The following FGF14 variants were observed in gnomAD, a reference collection of about 807,000 sequenced individuals.
FGF14 encodes fibroblast growth factor homologous factor 4.
Under a neutral mutation model 25.5 loss-of-function variants are expected in FGF14, and 5 were observed. The ratio of observed to expected loss-of-function variants is 0.20; its 90% CI spans 0.10 to 0.41. FGF14 has a LOEUF of 0.41. FGF14 is among the 10% of genes least tolerant of loss of function. The pLI, the probability that FGF14 is intolerant of heterozygous loss-of-function variation, is 1.00. For missense variants in FGF14, 222 were observed against 320.1 expected (o/e 0.69, Z 2.34); for synonymous variants, 138 against 118.3 (o/e 1.17, Z -1.08).
chr13:101,873,644 G>T (rs544703327), intron 2 of FGF14, among the ~76,000 whole-genome samples: 113 of 152,208 alleles, frequency 7.4e-4, no homozygotes, highest in Non-Finnish European at 1.3e-3. Context: ...AATGGGTAAA[G>T]AGTTTAAGGG....
In FGF14 at chr13:101,719,359, T is replaced by C. The variant is rs2034841373; in HGVS notation, c.*3472A>G. 1 of 151,772 alleles carries C rather than the reference T, an allele frequency of 6.6e-6. No individual in the cohort carries two copies. Among genetic ancestry groups the C allele is most frequent in the Non-Finnish European group, 1.5e-5 (1 of 67,942 alleles). 9.4% of individuals were successfully genotyped at this position (151,772 alleles called of 1,614,324 possible). On this transcript the variant is annotated 3_prime_UTR_variant, in exon 5 of 5. Coordinates refer to ENST00000376143, the MANE Select transcript of FGF14 (RefSeq NM_004115.4). ...ACTATTAGAAGAACTGGAGCGGGAG[T>C]CCTTTGGACCCATCGTGGATCTCTT...
intron 1 of FGF14, among the ~76,000 whole-genome samples, chr13:102,053,390 A>T (rs2042298499): frequency 6.6e-6 from 1 of 152,130 alleles, no homozygotes; most frequent in South Asian, 2.1e-4. Flanking sequence ...ATGGAAACCA[A>T]AATAGAGAAA....
At chr13:101,724,689 A>C (rs59408893) in intron 4 of FGF14, among the ~76,000 whole-genome samples, 1 of 145,646 alleles carries the variant, frequency 6.9e-6, no homozygotes. Flanking sequence ...TTAATTTGTC[A>C]AACATTTCCA....
chr13:102,269,327 A>G (rs1386126895), intron 1 of FGF14, among the ~76,000 whole-genome samples: 1 of 152,242 alleles, frequency 6.6e-6, no homozygotes, highest in Admixed American at 6.5e-5. Flanking sequence ...CAGCATGGAT[A>G]GCACAGGCAG....
intron 1 of FGF14, chr13:102,373,415 T>C (rs2057945232): frequency 2.6e-5 from 4 of 152,200 alleles, no homozygotes; most frequent in Non-Finnish European, 5.9e-5. Context: ...CCCTTCTCTG[T>C]TTCCCCAGGT....
chr13:102,364,054 C>T (rs2057640610), intron 1 of FGF14, among the ~76,000 whole-genome samples: 1 of 152,176 alleles, frequency 6.6e-6, no homozygotes, highest in South Asian at 2.1e-4. Context: ...TTTGGGTACC[C>T]AGGTACGTGG....
chr13:101,875,034 T>G, intron 2 of FGF14, 152 bp downstream of exon 2: 1 of 682,078 alleles, frequency 1.5e-6, no homozygotes. Context: ...TCCACGTAGT[T>G]TAAATAAAAT....
intron 1 of FGF14, among the ~76,000 whole-genome samples, chr13:101,958,152 A>C (rs1288267634): frequency 6.6e-6 from 1 of 152,182 alleles, no homozygotes; most frequent in Admixed American, 6.5e-5. Context: ...AGAACTTGAG[A>C]GCTTTCCTAA....
intron 3 of FGF14, among the ~76,000 whole-genome samples, chr13:101,812,647 A>AT (rs1566931687): frequency 1.2e-3 from 11 of 9,072 alleles, no homozygotes; most frequent in Non-Finnish European, 2.1e-3. Context: ...ATATATATAT[A>AT]TATATATTTT....
At chr13:101,818,468 C>T (rs1315907066) in intron 3 of FGF14, among the ~76,000 whole-genome samples, 1 of 152,070 alleles carries the variant, frequency 6.6e-6, no homozygotes, top group Non-Finnish European at 1.5e-5. Context: ...TTGTGAAAGA[C>T]CATTGAAAAA....
rs71125061 is a variant in FGF14, at chr13:102,308,916, CA to C, written c.208+92554del. On this transcript the variant is annotated intron_variant, in intron 1 of 4. Coordinates refer to the FGF14 transcript ENST00000376131. ...ATATGAACTAGGAGGGTTTCTTATA[CA>C]AAAAAAAAAAAAAAAAACACAAAAA... Among the ~76,000 whole-genome samples, 386 of 61,988 alleles carry C rather than the reference CA, an allele frequency of 6.2e-3. 2 individuals are homozygous for C. The highest frequency in any genetic ancestry group is 0.013 in the East Asian group (35 of 2,794). The allele number at this position is 61,988 out of a possible 152,430, so 40.7% of individuals were successfully genotyped here. A position where few individuals can be genotyped will look rare whatever the true frequency, so the allele number is the denominator to read the frequency against.
chr13:102,362,805 TA>T (rs2057604388), intron 1 of FGF14, among the ~76,000 whole-genome samples: 1 of 123,092 alleles, frequency 8.1e-6, no homozygotes, highest in African/African-American at 4.6e-5. Context: ...CATACAAGTA[TA>T]GAAAAAAAAA....
chr13:101,904,790 T>G (rs2032028291), intron 1 of FGF14, among the ~76,000 whole-genome samples: 1 of 152,208 alleles, frequency 6.6e-6, no homozygotes, highest in African/African-American at 2.4e-5. Flanking sequence ...GTTTGGACAC[T>G]AAGGGCATTT....
chr13:102,126,883 T>C (rs113436732), intron 1 of FGF14, among the ~76,000 whole-genome samples: 81 of 152,288 alleles, frequency 5.3e-4, no homozygotes, highest in Middle Eastern at 3.4e-3. Flanking sequence ...GTAGACGGGA[T>C]TGGCAGGTAA....
intron 1 of FGF14, among the ~76,000 whole-genome samples, chr13:102,053,566 T>C (rs1037859165): frequency 5.9e-5 from 9 of 152,126 alleles, no homozygotes; most frequent in African/African-American, 1.7e-4. Flanking sequence ...GTATGGGGTA[T>C]AGTAAAAGCA....
chr13:102,140,417 C>T (rs2046599929), intron 1 of FGF14, among the ~76,000 whole-genome samples: 1 of 152,084 alleles, frequency 6.6e-6, no homozygotes, highest in East Asian at 1.9e-4. Flanking sequence ...GCCTAAGCCA[C>T]CCAGGGATTT....
chr13:102,383,342 A>C (rs1279866661), intron 1 of FGF14, among the ~76,000 whole-genome samples: 3 of 152,176 alleles, frequency 2.0e-5, no homozygotes, highest in Non-Finnish European at 4.4e-5. Flanking sequence ...TGGTGAAGTA[A>C]GCATATTTAA....
intron 3 of FGF14, among the ~76,000 whole-genome samples, chr13:101,865,714 A>C (rs2044665225): frequency 6.6e-6 from 1 of 152,114 alleles, no homozygotes; most frequent in South Asian, 2.1e-4. Context: ...AAAATAGAGG[A>C]AGATACACCT....
chr13:101,840,719 A>G (rs1215436987), intron 3 of FGF14, among the ~76,000 whole-genome samples: 1 of 152,020 alleles, frequency 6.6e-6, no homozygotes, highest in African/African-American at 2.4e-5. Flanking sequence ...ATAGGTCAGC[A>G]TGCACACATA....
Sources: allele counts gnomAD v4.1 joint callset (sites outside exome capture counted in the v4.1 genomes callset), GRCh38; gene constraint gnomAD v4.1.1; transcripts MANE v1.5; gene names NCBI Gene and HGNC (gene_info 2026-07-23, HGNC 2026-07-21).